The following LRRC58 variants were observed in gnomAD, a reference collection of about 807,000 sequenced individuals.
The protein encoded by LRRC58 is leucine-rich repeat-containing protein 58.
LRRC58 carries 18 observed loss-of-function variants against 30.6 expected under a neutral mutation model. The ratio of observed to expected loss-of-function variants is 0.59; its 90% CI spans 0.41 to 0.87. The LOEUF (loss-of-function observed/expected upper bound fraction) is 0.87, where lower values mean the gene tolerates loss of function less well. Among genes scored for constraint, LRRC58 ranks in the 40% least tolerant of loss-of-function variants. The pLI is 0.00. For missense variants in LRRC58, 420 were observed against 468.4 expected (o/e 0.90, Z 0.95); for synonymous variants, 221 against 206.0 (o/e 1.07, Z -0.62).
At chr3:120,337,610 T>C (rs1333993179) in intron 1 of LRRC58, among the ~76,000 whole-genome samples, 3 of 152,200 alleles carry the variant, frequency 2.0e-5, no homozygotes, top group Non-Finnish European at 4.4e-5. Context: ...CATGTAGCTA[T>C]TATGATTGAG....
At chr3:120,332,384 C>T (rs1237217969) in intron 3 of LRRC58, among the ~76,000 whole-genome samples, 1 of 152,084 alleles carries the variant, frequency 6.6e-6, no homozygotes, top group Non-Finnish European at 1.5e-5. Context: ...CTCAACTAAC[C>T]ATGTAGTTTT....
intron 1 of LRRC58, among the ~76,000 whole-genome samples, chr3:120,340,372 G>A (rs1576183686): frequency 6.6e-6 from 1 of 152,006 alleles, no homozygotes; most frequent in East Asian, 1.9e-4. Flanking sequence ...ACTCCAATTG[G>A]GGTTTTCATA....
intron 1 of LRRC58, among the ~76,000 whole-genome samples, chr3:120,339,867 T>A (rs9810784): frequency 0.12 from 17,884 of 152,120 alleles, 1,142 homozygotes; most frequent in African/African-American, 0.15. Flanking sequence ...AATTTTTTTT[T>A]AATTTTTATT....
chr3:120,348,022 G>T (rs1374844819), intron 1 of LRRC58, among the ~76,000 whole-genome samples: 2 of 152,148 alleles, frequency 1.3e-5, no homozygotes, highest in Admixed American at 6.6e-5. Flanking sequence ...GTACAGCATA[G>T]GCTGTACTTT....
chr3:120,348,896 C>G lies in LRRC58; in HGVS notation c.348G>C (p.Ser116=). 1.3e-6 allele frequency: 2 copies of G among 1,579,022 alleles called. No homozygotes were observed. Among genetic ancestry groups the G allele is most frequent in the South Asian group, 1.2e-5 (1 of 86,432 alleles). ...GCACCTGGAGGCTGCGGCAGAGCGG[C>G]GACTGGGCCAGGCCCTTGGGCAGCG... ...PSALPKGLAQ[S]PLCRSLQVLN... is the part of the protein sequence containing the mutation. Residue 116 remains serine (S), a synonymous_variant, in exon 1 of 4, where the codon TCG becomes TCC. Coordinates refer to ENST00000295628, the MANE Select transcript of LRRC58 (RefSeq NM_001099678.2).
At chr3:120,341,185 C>G (rs1433003141) in intron 1 of LRRC58, among the ~76,000 whole-genome samples, 1 of 152,110 alleles carries the variant, frequency 6.6e-6, no homozygotes, top group Non-Finnish European at 1.5e-5. Context: ...AGTTACTGCC[C>G]AGTTACTCAG....
At chr3:120,332,437 T>C (rs1286151085) in intron 3 of LRRC58, among the ~76,000 whole-genome samples, 4 of 152,206 alleles carry the variant, frequency 2.6e-5, no homozygotes. Context: ...AAATTTGTGG[T>C]ACATTACTCT....
At chr3:120,343,166 T>C (rs1935925096) in intron 1 of LRRC58, among the ~76,000 whole-genome samples, 1 of 152,258 alleles carries the variant, frequency 6.6e-6, no homozygotes, top group South Asian at 2.1e-4. Context: ...TGCAATTATG[T>C]AAATTCTCTT....
At chr3:120,333,079 G>A (rs1218791489) in intron 3 of LRRC58, among the ~76,000 whole-genome samples, 10 of 133,636 alleles carry the variant, frequency 7.5e-5, no homozygotes, top group Admixed American at 2.6e-4. Context: ...GCAATACAGC[G>A]AGACTCCGTC....
At chr3:120,333,023 C>T (rs1287821619) in intron 3 of LRRC58, among the ~76,000 whole-genome samples, 10 of 145,866 alleles carry the variant, frequency 6.9e-5, no homozygotes, top group Admixed American at 5.0e-4. Context: ...ACCCCGGAGG[C>T]GGAGCTTGCA....
Position 120,331,068 on chromosome 3 carries a change from T to C in LRRC58, c.*132A>G, listed in dbSNP as rs1171154486. 1.4e-6 allele frequency: 1 copy of C among 728,836 alleles called. No individual in the cohort carries two copies. The highest frequency in any genetic ancestry group is 1.8e-5 in the African/African-American group (1 of 56,470). 45.1% of individuals were successfully genotyped at this position (728,836 alleles called of 1,614,324 possible). A position where few individuals can be genotyped will look rare whatever the true frequency, so the allele number is the denominator to read the frequency against. On this transcript the variant is annotated 3_prime_UTR_variant, in exon 4 of 4. Coordinates refer to ENST00000295628, the MANE Select transcript of LRRC58 (RefSeq NM_001099678.2). ...AATGGGTAGATGAAACACAAAATGT[T>C]TTATATCATCCCAGACTCTTTGATG...
At position 120,349,054 on chromosome 3, in the gene LRRC58, C is replaced by A; in HGVS notation, c.190G>T (p.Gly64Cys). The change falls in exon 1 of 4, where the codon GGC (glycine) becomes TGC (cysteine). Residue 64 changes from glycine to cysteine, a missense_variant. Around this residue, in one of 2 missense-constraint regions of LRRC58, gnomAD observed 266 missense variants for 251.7 expected, o/e 1.06. Transcript: ENST00000295628. ...NRLVSLPRAL[G>C]SGFPHLQLLD... is the part of the protein sequence containing the mutation. ...AGCTGGAGGTGCGGGAAGCCGCTGC[C>A]CAGCGCCCGTGGCAGCGACACCAGA... 1 of 1,518,388 alleles carries A rather than the reference C, an allele frequency of 6.6e-7. No individual in the cohort carries two copies. Among genetic ancestry groups the A allele is most frequent in the Non-Finnish European group, 8.8e-7 (1 of 1,141,338 alleles). The allele number at this position is 1,518,388 out of a possible 1,614,324, so 94.1% of individuals were successfully genotyped here. A position where few individuals can be genotyped will look rare whatever the true frequency, so the allele number is the denominator to read the frequency against.
intron 1 of LRRC58, among the ~76,000 whole-genome samples, chr3:120,341,180 C>G (rs1432650152): frequency 6.6e-6 from 1 of 152,174 alleles, no homozygotes; most frequent in Non-Finnish European, 1.5e-5. Context: ...GCATAAGTTA[C>G]TGCCCAGTTA....
chr3:120,338,444 A>T (rs143111034), intron 1 of LRRC58, among the ~76,000 whole-genome samples: 17 of 152,376 alleles, frequency 1.1e-4, no homozygotes, highest in African/African-American at 4.1e-4. Flanking sequence ...ATAAGTTTAC[A>T]TTTTAGTGAG....
At chr3:120,332,913 C>T (rs1935777753) in intron 3 of LRRC58, among the ~76,000 whole-genome samples, 1 of 151,958 alleles carries the variant, frequency 6.6e-6, no homozygotes, top group African/African-American at 2.4e-5. Flanking sequence ...CTATGCCCAA[C>T]TAATGTTTAT....
At position 120,331,059 on chromosome 3, in the gene LRRC58, A is replaced by G. The variant is rs564893232; in HGVS notation, c.*141T>C. The G allele has an allele frequency of 8.7e-6, 6 of 688,324 alleles. No individual in the cohort carries two copies. In the South Asian group the frequency reaches 1.1e-4, roughly 13 times the overall value. The allele number at this position is 688,324 out of a possible 1,614,324, so 42.6% of individuals were successfully genotyped here. ...TTCTTGCTGAATGGGTAGATGAAAC[A>G]CAAAATGTTTTATATCATCCCAGAC... On this transcript the variant is annotated 3_prime_UTR_variant, in exon 4 of 4. Transcript: ENST00000295628.
At chr3:120,348,662 C>G (rs1576186770) in intron 1 of LRRC58, 82 bp downstream of exon 1, 2 of 1,418,486 alleles carry the variant, frequency 1.4e-6, no homozygotes, top group Non-Finnish European at 1.9e-6. Flanking sequence ...ACGTGACAAA[C>G]GTTGAGGTGC....
chr3:120,348,365 C>T (rs6767308), intron 1 of LRRC58, among the ~76,000 whole-genome samples: 18,053 of 152,082 alleles, frequency 0.12, 1,167 homozygotes, highest in African/African-American at 0.16. Context: ...TTGTACGCCA[C>T]GCTCAAAGGC....
chr3:120,347,098 T>C (rs1315910995), intron 1 of LRRC58, among the ~76,000 whole-genome samples: 2 of 152,230 alleles, frequency 1.3e-5, no homozygotes, highest in African/African-American at 4.8e-5. Flanking sequence ...TAGGTCTTCA[T>C]AGAACTCATA....
Sources: gnomAD v4.1 joint callset for allele counts (sites outside exome capture counted in the v4.1 genomes callset) on GRCh38, gnomAD v4.1.1 for gene constraint, gnomAD v4.1.1 regional missense constraint, MANE v1.5 for transcripts, NCBI Gene and HGNC (gene_info 2026-07-23, HGNC 2026-07-21) for gene names.